The following PPP2R2B variants were observed in gnomAD, a reference collection of about 807,000 sequenced individuals.
PPP2R2B encodes protein phosphatase 2 regulatory subunit Bbeta.
A neutral mutation model predicts 46.0 loss-of-function variants in PPP2R2B; 5 were observed. That is an observed-to-expected ratio of 0.11 (90% confidence interval 0.06 to 0.23). The LOEUF (loss-of-function observed/expected upper bound fraction) is 0.23. PPP2R2B is among the 10% of genes least tolerant of loss of function. The probability of loss-of-function intolerance (pLI) is 1.00; values close to 1 mark genes in which losing one functional copy is unlikely to be tolerated. For synonymous variants in PPP2R2B, 215 were observed against 206.7 expected, an observed-to-expected ratio of 1.04 and a Z score of -0.34; for missense variants, 367 against 575.0, an observed-to-expected ratio of 0.64 and a Z score of 3.70.
At chr5:146,655,905 G>A (rs1043485240) in intron 5 of PPP2R2B, among the ~76,000 whole-genome samples, 3 of 151,948 alleles carry the variant, frequency 2.0e-5, no homozygotes, top group African/African-American at 7.3e-5. Flanking sequence ...AAGAGAGGTG[G>A]GGGGTAGGGA....
chr5:146,837,619 T>A (rs1297705271), intron 2 of PPP2R2B, among the ~76,000 whole-genome samples: 1 of 152,248 alleles, frequency 6.6e-6, no homozygotes, highest in Non-Finnish European at 1.5e-5. Context: ...AATAATACAT[T>A]TTCTCAAACT....
chr5:146,904,537 A>C (rs143389648), intron 1 of PPP2R2B, among the ~76,000 whole-genome samples: 88 of 152,292 alleles, frequency 5.8e-4, no homozygotes, highest in African/African-American at 2.0e-3. Context: ...CCGAGTCCTA[A>C]AGTATAGCCC....
chr5:146,858,084 C>A (rs1477587326), intron 2 of PPP2R2B, among the ~76,000 whole-genome samples: 1 of 152,180 alleles, frequency 6.6e-6, no homozygotes, highest in African/African-American at 2.4e-5. Context: ...GGCACCGTCA[C>A]TTTTAATACT....
At chr5:146,803,090 C>T (rs1388980179) in intron 2 of PPP2R2B, among the ~76,000 whole-genome samples, 1 of 152,212 alleles carries the variant, frequency 6.6e-6, no homozygotes, top group Non-Finnish European at 1.5e-5. Flanking sequence ...CCAAATGCTA[C>T]TTCTCTCTCC....
intron 1 of PPP2R2B, among the ~76,000 whole-genome samples, chr5:147,032,350 C>T (rs1755824621): frequency 6.6e-6 from 1 of 152,100 alleles, no homozygotes; most frequent in Admixed American, 6.6e-5. Context: ...CAATGTGATA[C>T]CACCTTACTC....
Position 146,668,790 on chromosome 5 carries a change from G to A in PPP2R2B, c.448-18066C>T, listed in dbSNP as rs55680436. Among the ~76,000 whole-genome samples, 1,192 of 152,258 alleles carry A rather than the reference G, an allele frequency of 7.8e-3. 19 individuals carry two copies. Among genetic ancestry groups the A allele is most frequent in the African/African-American group, 0.028 (1,144 of 41,540 alleles). ...CTATTCCCTTCAAGTTTTCAAGGTT[G>A]TCATCCATTTCTGTACTGCTTTCTG... On this transcript the variant is annotated intron_variant, in intron 5 of 9. Transcript: ENST00000394411.
At chr5:146,990,418 A>G (rs1393903796) in intron 1 of PPP2R2B, among the ~76,000 whole-genome samples, 1 of 152,172 alleles carries the variant, frequency 6.6e-6, no homozygotes, top group Admixed American at 6.5e-5. Context: ...AAAGAAATCC[A>G]TGCACTTTTA....
chr5:146,895,300 C>T (rs1444945390), intron 1 of PPP2R2B, among the ~76,000 whole-genome samples: 1 of 152,126 alleles, frequency 6.6e-6, no homozygotes, highest in Non-Finnish European at 1.5e-5. Flanking sequence ...ACAAGTCGGC[C>T]CCCTGCCATA....
intron 7 of PPP2R2B, among the ~76,000 whole-genome samples, chr5:146,602,938 T>C (rs570796209): frequency 1.3e-5 from 2 of 152,330 alleles, no homozygotes; most frequent in South Asian, 4.1e-4. Context: ...AACTAACAGC[T>C]ATGTCATTAG....
intron 1 of PPP2R2B, among the ~76,000 whole-genome samples, chr5:147,037,970 A>C (rs1756119799): frequency 1.3e-5 from 2 of 152,116 alleles, no homozygotes. Flanking sequence ...AAAGTTATAT[A>C]ATGTTTTGTA....
At chr5:146,789,352 C>T (rs1756045991) in intron 2 of PPP2R2B, among the ~76,000 whole-genome samples, 1 of 152,128 alleles carries the variant, frequency 6.6e-6, no homozygotes, top group African/African-American at 2.4e-5. Flanking sequence ...TGTTCACTAT[C>T]ATCAATGATT....
chr5:146,949,521 G>A (rs1331263589), intron 1 of PPP2R2B, among the ~76,000 whole-genome samples: 2 of 152,032 alleles, frequency 1.3e-5, no homozygotes, highest in East Asian at 1.9e-4. Context: ...AATAACAAAT[G>A]CCACTGAGGA....
intron 2 of PPP2R2B, among the ~76,000 whole-genome samples, chr5:146,835,679 C>T (rs1157195762): frequency 6.6e-6 from 1 of 152,136 alleles, no homozygotes; most frequent in Admixed American, 6.6e-5. Flanking sequence ...CCAGACAGAC[C>T]CAGGTTCCAG....
chr5:146,735,333 C>T (rs369124852), intron 2 of PPP2R2B, among the ~76,000 whole-genome samples: 10 of 152,086 alleles, frequency 6.6e-5, no homozygotes, highest in Middle Eastern at 3.4e-3. Flanking sequence ...AAACCCCCCC[C>T]ACAATCCTTC....
intron 1 of PPP2R2B, among the ~76,000 whole-genome samples, chr5:146,929,314 T>G (rs891345120): frequency 1.3e-5 from 2 of 152,212 alleles, no homozygotes; most frequent in Non-Finnish European, 2.9e-5. Flanking sequence ...TTCAGTGACA[T>G]ATCATTTCAC....
intron 2 of PPP2R2B, among the ~76,000 whole-genome samples, chr5:147,065,062 G>A (rs981842003): frequency 6.6e-6 from 1 of 152,216 alleles, no homozygotes; most frequent in African/African-American, 2.4e-5. Context: ...TACACAACTT[G>A]TAGTTGTATA....
intron 2 of PPP2R2B, among the ~76,000 whole-genome samples, chr5:146,795,784 CTG>C (rs1756492945): frequency 6.6e-6 from 1 of 152,146 alleles, no homozygotes; most frequent in Non-Finnish European, 1.5e-5. Context: ...TAAATACAAA[CTG>C]TTTTGTCAAT....
intron 7 of PPP2R2B, among the ~76,000 whole-genome samples, chr5:146,615,514 T>TTAAAAAAAAAAAAAAAAAAAAAA: frequency 1.2e-5 from 1 of 83,244 alleles, no homozygotes; most frequent in Non-Finnish European, 2.3e-5. Flanking sequence ...AAAAAAAAAA[T>TTAAAAAAAAAAAAAAAAAAAAAA]TAAAAAAAAA....
At chr5:146,812,350 G>C (rs570962460) in intron 2 of PPP2R2B, among the ~76,000 whole-genome samples, 6 of 148,840 alleles carry the variant, frequency 4.0e-5, no homozygotes, top group Non-Finnish European at 8.9e-5. Flanking sequence ...ATCTAAGGAG[G>C]CTTCGTTGTA....
Sources: gnomAD v4.1 joint callset for allele counts (sites outside exome capture counted in the v4.1 genomes callset) on GRCh38, gnomAD v4.1.1 for gene constraint, MANE v1.5 for transcripts, NCBI Gene and HGNC (gene_info 2026-07-23, HGNC 2026-07-21) for gene names.